The following DCAF17 variants were observed in gnomAD, a reference collection of about 807,000 sequenced individuals.
The protein encoded by DCAF17 is DDB1- and CUL4-associated factor 17.
In DCAF17, 48 loss-of-function variants were observed where a neutral mutation model predicts 66.0. The observed-to-expected ratio is 0.73, with a 90% CI of 0.58 to 0.92. The LOEUF (loss-of-function observed/expected upper bound fraction) is 0.92, where lower values mean the gene tolerates loss of function less well. DCAF17 is among the 40% of genes least tolerant of loss of function. The pLI is 0.00. For missense variants in DCAF17, 562 were observed against 622.8 expected (o/e 0.90, Z 1.04); for synonymous variants, 206 against 214.6 (o/e 0.96, Z 0.35).
In DCAF17 at chr2:171,482,598, TAG is replaced by T. The variant is rs886055111; in HGVS notation, c.*1487_*1488del. 40 of 453,954 alleles carry T rather than the reference TAG, an allele frequency of 8.8e-5. 1 individual carries two copies. Among genetic ancestry groups the T allele is most frequent in the Admixed American group, 5.4e-4 (23 of 42,546 alleles). 28.1% of individuals were successfully genotyped at this position (453,954 alleles called of 1,614,324 possible). On this transcript the variant is annotated 3_prime_UTR_variant, in exon 14 of 14. Coordinates refer to ENST00000375255, the MANE Select transcript of DCAF17 (RefSeq NM_025000.4). Reference sequence around the variant, plus strand: ...AAGCAGCTGCAATGCTGTGTAAAAGTAGAGTGTTCATTCTCCATTTCCAAGAG... The same window carrying T: ...AAGCAGCTGCAATGCTGTGTAAAAGTAGTGTTCATTCTCCATTTCCAAGAG...
intron 8 of DCAF17, among the ~76,000 whole-genome samples, chr2:171,463,355 G>A (rs1695710200): frequency 6.6e-6 from 1 of 150,658 alleles, no homozygotes. Context: ...CTTCATTTGT[G>A]TAAAGTATTG....
At chr2:171,438,131 G>A (rs1574314938) in intron 2 of DCAF17, among the ~76,000 whole-genome samples, 2 of 152,168 alleles carry the variant, frequency 1.3e-5, no homozygotes, top group African/African-American at 4.8e-5. Context: ...TTATTTAGAT[G>A]TGTGTTGTTC....
At position 171,471,963 on chromosome 2, in the gene DCAF17, C is replaced by T. The variant is rs558474116; in HGVS notation, c.982-1903C>T. On this transcript the variant is annotated intron_variant, in intron 9 of 13. Transcript: ENST00000375255. ...CCAAGAGGTCAAGGCTCCAGTGAGC[C>T]GAGATCACACCACTGCACTCCAGCC... Among the ~76,000 whole-genome samples, 10 of 151,264 alleles carry T rather than the reference C, an allele frequency of 6.6e-5. No homozygotes were observed. In the East Asian group the frequency reaches 1.6e-3, roughly 24 times the overall value.
At chr2:171,467,186 A>C (rs1695952679) in intron 8 of DCAF17, among the ~76,000 whole-genome samples, 1 of 151,864 alleles carries the variant, frequency 6.6e-6, no homozygotes, top group African/African-American at 2.4e-5. Context: ...TTTTTTCAAT[A>C]AATACAGGAA....
intron 10 of DCAF17, among the ~76,000 whole-genome samples, chr2:171,475,291 G>A (rs138120900): frequency 1.3e-3 from 193 of 152,150 alleles, no homozygotes; most frequent in Non-Finnish European, 2.0e-3. Flanking sequence ...CCACTGTGTC[G>A]TCTTCCTTTG....
chr2:171,477,958 A>G, intron 11 of DCAF17, 29 bp from the exon 12 acceptor site: 1 of 1,586,716 alleles, frequency 6.3e-7, no homozygotes, highest in South Asian at 1.1e-5. Context: ...AGAACTTGTC[A>G]TATCTTTTTA....
At chr2:171,439,398 A>G (rs897690041) in intron 2 of DCAF17, among the ~76,000 whole-genome samples, 2 of 150,990 alleles carry the variant, frequency 1.3e-5, no homozygotes, top group South Asian at 2.1e-4. Context: ...CTGTTGACCT[A>G]TCTTCAAACT....
At chr2:171,441,642 C>T (rs375801946) in intron 2 of DCAF17, among the ~76,000 whole-genome samples, 2 of 152,128 alleles carry the variant, frequency 1.3e-5, no homozygotes, top group African/African-American at 4.8e-5. Flanking sequence ...AAACAGGGAG[C>T]CTTGTACTCT....
At chr2:171,435,331 C>A in intron 2 of DCAF17, 145 bp downstream of exon 2, 2 of 685,228 alleles carry the variant, frequency 2.9e-6, no homozygotes, top group Non-Finnish European at 5.1e-6. Context: ...GTAAAAAATG[C>A]ATGTAATTTT....
chr2:171,484,769 A>G lies in DCAF17; in HGVS notation c.*3655A>G, dbSNP rs1330707225. On this transcript the variant is annotated 3_prime_UTR_variant, in exon 14 of 14. Transcript: ENST00000375255. ...TATCCCCTCCCCACCCCTCAGGTAT[A>G]ACTACTGTTCTCATTCTTTTATATC... is the stretch of plus-strand genomic sequence containing the variant. 1 of 453,978 alleles carries G rather than the reference A, an allele frequency of 2.2e-6. No homozygotes were observed. Among genetic ancestry groups the G allele is most frequent in the Non-Finnish European group, 4.4e-6 (1 of 226,754 alleles). The allele number at this position is 453,978 out of a possible 1,614,324, so 28.1% of individuals were successfully genotyped here.
chr2:171,443,799 AATATT>A (rs750345263), intron 3 of DCAF17, among the ~76,000 whole-genome samples, 186 bp downstream of exon 3: 8 of 152,290 alleles, frequency 5.3e-5, no homozygotes, highest in Non-Finnish European at 1.5e-5. Flanking sequence ...TAAAAATACT[AATATT>A]ATGAATGTGT....
intron 8 of DCAF17, among the ~76,000 whole-genome samples, chr2:171,466,352 T>G (rs1695898062): frequency 6.6e-6 from 1 of 152,230 alleles, no homozygotes; most frequent in Non-Finnish European, 1.5e-5. Context: ...CTTTCACAGA[T>G]TTTAAGTATT....
intron 5 of DCAF17, 53 bp downstream of exon 5, chr2:171,450,010 G>T (rs1357980905): frequency 7.0e-7 from 1 of 1,421,432 alleles, no homozygotes; most frequent in Non-Finnish European, 9.9e-7. Flanking sequence ...ATAGGAATTT[G>T]TCTGCAGATT....
chr2:171,445,512 GTTA>G (rs1363204825), intron 3 of DCAF17, among the ~76,000 whole-genome samples: 1 of 152,106 alleles, frequency 6.6e-6, no homozygotes, highest in Non-Finnish European at 1.5e-5. Flanking sequence ...ATTTTGAATT[GTTA>G]TTAACACACT....
At chr2:171,440,150 C>T (rs1242922659) in intron 2 of DCAF17, among the ~76,000 whole-genome samples, 1 of 152,146 alleles carries the variant, frequency 6.6e-6, no homozygotes, top group African/African-American at 2.4e-5. Flanking sequence ...ATTTTAATTT[C>T]TGGTCTGCTA....
chr2:171,476,827 C>A (rs201095236), intron 10 of DCAF17, 33 bp from the exon 11 acceptor site: 58 of 1,544,610 alleles, frequency 3.8e-5, no homozygotes, highest in Middle Eastern at 1.7e-4. Flanking sequence ...GTTTTGAAGT[C>A]TTAGGTTCTC....
At chr2:171,466,765 CTATATTGAATTTCATATTCTTTA>C (rs1695925836) in intron 8 of DCAF17, among the ~76,000 whole-genome samples, 1 of 143,700 alleles carries the variant, frequency 7.0e-6, no homozygotes, top group Non-Finnish European at 1.5e-5. Flanking sequence ...CCTATGTCCT[CTATATTGAATTTCATATTCTTTA>C]TATATTAAAT....
intron 6 of DCAF17, among the ~76,000 whole-genome samples, chr2:171,453,742 A>G (rs1220119212): frequency 6.6e-6 from 1 of 152,128 alleles, no homozygotes; most frequent in Non-Finnish European, 1.5e-5. Flanking sequence ...TTTGAGTAAA[A>G]GAATGAATAG....
chr2:171,479,928 T>C, intron 12 of DCAF17, 110 bp from the exon 13 acceptor site: 4 of 1,197,230 alleles, frequency 3.3e-6, no homozygotes, highest in East Asian at 2.4e-5. Context: ...TTCATTCTTC[T>C]CCCATATTTT....
Sources: gnomAD v4.1 joint callset for allele counts (sites outside exome capture counted in the v4.1 genomes callset) on GRCh38, gnomAD v4.1.1 for gene constraint, MANE v1.5 for transcripts, NCBI Gene and HGNC (gene_info 2026-07-23, HGNC 2026-07-21) for gene names.